The following ESCO1 variants were observed in gnomAD, a reference collection of about 807,000 sequenced individuals.
The protein encoded by ESCO1 is establishment of sister chromatid cohesion N-acetyltransferase 1.
ESCO1 carries 33 observed loss-of-function variants against 83.5 expected under a neutral mutation model. The observed-to-expected ratio is 0.40, with a 90% CI of 0.30 to 0.53. ESCO1 has a LOEUF of 0.53. ESCO1 is among the 20% of genes least tolerant of loss of function. The pLI is 0.63. For missense variants in ESCO1, 855 were observed against 968.0 expected (o/e 0.88, Z 1.55); for synonymous variants, 332 against 324.3 (o/e 1.02, Z -0.25).
At chr18:21,561,054 TC>T in intron 7 of ESCO1, 64 bp from the exon 8 acceptor site, 1 of 1,508,590 alleles carries the variant, frequency 6.6e-7, no homozygotes, top group Non-Finnish European at 8.9e-7. Context: ...AATATCAGCC[TC>T]TAAGGCTATA....
chr18:21,574,464 T>C lies in ESCO1; in HGVS notation c.380A>G (p.Gln127Arg). 6.2e-7 allele frequency: 1 copy of C among 1,614,164 alleles called. No homozygotes were observed. The highest frequency in any genetic ancestry group is 1.1e-5 in the South Asian group (1 of 91,080). Residue 127 changes from glutamine (Q) to arginine (R), a missense_variant, in exon 4 of 12, where the codon CAA becomes CGA. Physicochemically the swap from Gln to Arg is conservative, Grantham distance 43. This residue lies in a region of ESCO1 where 726 missense variants were observed against 699.5 expected (regional missense o/e 1.04). Coordinates refer to ENST00000269214, the MANE Select transcript of ESCO1 (RefSeq NM_052911.3). ...CGACCTTCTTGAAACCTCTGTTAATTGTTGTAGCCTTTGTGATCTCCGGTT... is the reference window on the plus strand; with the variant it reads ...CGACCTTCTTGAAACCTCTGTTAATCGTTGTAGCCTTTGTGATCTCCGGTT... ...QLNRRSQRLQ[Q>R]LTEVSRRSLR...
intron 1 of ESCO1, chr18:21,593,042 G>A (rs2038704836): frequency 6.2e-6 from 1 of 161,788 alleles, no homozygotes. Flanking sequence ...TGGCGGCCGG[G>A]AAGAGGCGCT....
chr18:21,571,840 T>C (rs759480669), intron 4 of ESCO1, among the ~76,000 whole-genome samples: 5 of 152,328 alleles, frequency 3.3e-5, no homozygotes, highest in Non-Finnish European at 7.3e-5. Context: ...TATCACTGAC[T>C]GGTAAAATCT....
At chr18:21,565,781 A>T (rs906258219) in intron 6 of ESCO1, among the ~76,000 whole-genome samples, 1 of 151,964 alleles carries the variant, frequency 6.6e-6, no homozygotes. Flanking sequence ...TAAAAAAAGA[A>T]TTTTTTTTAA....
chr18:21,534,121 C>T (rs1297124808), intron 10 of ESCO1, among the ~76,000 whole-genome samples: 1 of 152,168 alleles, frequency 6.6e-6, no homozygotes, highest in Non-Finnish European at 1.5e-5. Context: ...GAAACTCCTG[C>T]AAACTTGCTT....
At chr18:21,594,522 G>A (rs980526564) in intron 1 of ESCO1, among the ~76,000 whole-genome samples, 10 of 152,100 alleles carry the variant, frequency 6.6e-5, no homozygotes, top group African/African-American at 2.2e-4. Context: ...TGGCCAACAT[G>A]GCGAAACCCC....
intron 4 of ESCO1, among the ~76,000 whole-genome samples, chr18:21,570,495 T>C (rs374867701): frequency 1.1e-4 from 16 of 152,342 alleles, no homozygotes; most frequent in African/African-American, 3.8e-4. Flanking sequence ...AAATATAATG[T>C]TGATTACACA....
At chr18:21,542,843 C>T (rs1457773848) in intron 8 of ESCO1, among the ~76,000 whole-genome samples, 4 of 152,148 alleles carry the variant, frequency 2.6e-5, no homozygotes, top group African/African-American at 7.2e-5. Flanking sequence ...AACTTAGAGG[C>T]GATAAAGTCC....
At chr18:21,571,500 T>C (rs1365859288) in intron 4 of ESCO1, among the ~76,000 whole-genome samples, 1 of 152,184 alleles carries the variant, frequency 6.6e-6, no homozygotes, top group East Asian at 1.9e-4. Context: ...GGATGGTTTC[T>C]TATAATGTTC....
At position 21,594,686 on chromosome 18, in the gene ESCO1, TGAGC is replaced by T. The variant is rs1187931724; in HGVS notation, c.-825+5933_-825+5936del. On this transcript the variant is annotated intron_variant, in intron 1 of 11. Transcript: ENST00000269214. ...ACCACTGAACTCCAGCCTGTGCAAC[TGAGC>T]GAGACTCCATCTCAAAAAAAAAAAG... Among the ~76,000 whole-genome samples the T allele has an allele frequency of 1.1e-4, 15 of 138,632 alleles. No individual in the cohort carries two copies. In the Admixed American group the frequency reaches 1.1e-3, roughly 10 times the overall value. The allele number at this position is 138,632 out of a possible 152,430, so 90.9% of individuals were successfully genotyped here.
chr18:21,592,709 C>T (rs1272346320), intron 1 of ESCO1, among the ~76,000 whole-genome samples: 1 of 150,506 alleles, frequency 6.6e-6, no homozygotes, highest in Non-Finnish European at 1.5e-5. Flanking sequence ...TCCTCACTTC[C>T]CAGACGGGGT....
intron 9 of ESCO1, among the ~76,000 whole-genome samples, chr18:21,537,326 AGAG>A (rs2037849566): frequency 6.6e-6 from 1 of 152,110 alleles, no homozygotes. Context: ...GGCTGAGGCT[AGAG>A]GAGTTCAAGG....
chr18:21,561,080 T>C, intron 7 of ESCO1, 90 bp from the exon 8 acceptor site: 1 of 1,286,024 alleles, frequency 7.8e-7, no homozygotes, highest in Non-Finnish European at 1.0e-6. Context: ...GAGCATAAAG[T>C]AAGAATTGTT....
At chr18:21,547,120 T>C (rs2146182287) in intron 8 of ESCO1, among the ~76,000 whole-genome samples, 1 of 152,350 alleles carries the variant, frequency 6.6e-6, no homozygotes, top group Middle Eastern at 3.4e-3. Flanking sequence ...CTTTGTCATA[T>C]GTCCTTGCTC....
At chr18:21,595,045 C>T (rs185158882) in intron 1 of ESCO1, among the ~76,000 whole-genome samples, 56 of 151,362 alleles carry the variant, frequency 3.7e-4, no homozygotes, top group African/African-American at 1.3e-3. Flanking sequence ...CGGGGTTTCG[C>T]CATGTTGCCC....
chr18:21,544,506 G>A (rs1568094381), intron 8 of ESCO1, among the ~76,000 whole-genome samples: 1 of 151,210 alleles, frequency 6.6e-6, no homozygotes. Context: ...GCATGCACCT[G>A]TAATCCCAGC....
chr18:21,530,762 C>A (rs1010662157), intron 11 of ESCO1, among the ~76,000 whole-genome samples: 1 of 152,058 alleles, frequency 6.6e-6, no homozygotes, highest in East Asian at 1.9e-4. Flanking sequence ...GAAATATTTC[C>A]TCAACCTGAT....
chr18:21,573,687 T>C lies in ESCO1; in HGVS notation c.1157A>G (p.Lys386Arg). 6.2e-7 allele frequency: 1 copy of C among 1,614,172 alleles called. No homozygotes were observed. The highest frequency in any genetic ancestry group is 8.5e-7 in the Non-Finnish European group (1 of 1,180,024). Residue 386 changes from lysine to arginine, a missense_variant, in exon 4 of 12, where the codon AAG (lysine) becomes AGG (arginine). By Grantham distance (26) the Lys-to-Arg change is conservative. This residue lies in a region of ESCO1 where 726 missense variants were observed against 699.5 expected (regional missense o/e 1.04). Transcript: ENST00000269214. ...CILNGINSSA[K>R]KNSNWTKIKL... ...AATTTTAGTCCAGTTGGAGTTCTTC[T>C]TGGCTGAGCTGTTTATTCCATTTAG...
intron 7 of ESCO1, 130 bp downstream of exon 7, chr18:21,564,073 T>G: frequency 1.5e-6 from 1 of 648,440 alleles, no homozygotes; most frequent in Non-Finnish European, 2.6e-6. Context: ...TGTCAGGCCA[T>G]AGAACCACAA....
Sources: gnomAD v4.1 joint callset for allele counts (sites outside exome capture counted in the v4.1 genomes callset) on GRCh38, gnomAD v4.1.1 for gene constraint, gnomAD v4.1.1 regional missense constraint, MANE v1.5 for transcripts, NCBI Gene and HGNC (gene_info 2026-07-23, HGNC 2026-07-21) for gene names.